The following QTRT1 variants were observed in gnomAD, a reference collection of about 807,000 sequenced individuals.
QTRT1 encodes the protein queuine tRNA-ribosyltransferase catalytic subunit 1, also known as TGT, 43-KD subunit.
Under a neutral mutation model 44.0 loss-of-function variants are expected in QTRT1, and 41 were observed. That is an observed-to-expected ratio of 0.93 (90% CI 0.73 to 1.21). The LOEUF is 1.21. Ranked by LOEUF, QTRT1 falls within the 50% of genes most tolerant of loss-of-function variation. QTRT1 has a pLI of 0.00. For missense variants in QTRT1, 542 were observed against 575.8 expected (o/e 0.94, Z 0.60); for synonymous variants, 226 against 237.1 (o/e 0.95, Z 0.43).
intron 5 of QTRT1, chr19:10,709,178 G>A (rs2068727719): frequency 6.6e-6 from 1 of 152,234 alleles, no homozygotes. Context: ...TTTGGCATAT[G>A]TAGCCTTGGA....
At chr19:10,708,201 G>T (rs113173743) in intron 5 of QTRT1, among the ~76,000 whole-genome samples, 26 of 152,020 alleles carry the variant, frequency 1.7e-4, no homozygotes, top group Non-Finnish European at 3.1e-4. Flanking sequence ...CTGACCTTGT[G>T]ATCTGCCTGC....
chr19:10,704,431 C>G (rs1239855431), intron 3 of QTRT1, among the ~76,000 whole-genome samples: 1 of 136,520 alleles, frequency 7.3e-6, no homozygotes, highest in Non-Finnish European at 1.6e-5. Context: ...GTAGCTGGGA[C>G]TACAGGCACC....
At position 10,701,963 on chromosome 19, in the gene QTRT1, T is replaced by C; in HGVS notation, c.257T>C (p.Ile86Thr). 6.2e-7 allele frequency: 1 copy of C among 1,614,120 alleles called. No homozygotes were observed. The highest frequency in any genetic ancestry group is 1.3e-5 in the African/African-American group (1 of 75,040). Residue 86 changes from isoleucine (I) to threonine (T), a missense_variant, in exon 2 of 10, where the codon ATC (isoleucine) becomes ACC (threonine). Physicochemically the swap from Ile to Thr is moderately conservative, Grantham distance 89 (BLOSUM62 -1). Transcript: ENST00000250237. ...HLGLRPGPEL[I>T]QKANGLHGFM... ...CCATCAACCCAGGGACCCGAGCTGA[T>C]CCAGAAAGCCAACGGTCTCCACGGC...
intron 3 of QTRT1, 91 bp from the exon 4 acceptor site, chr19:10,707,211 T>A: frequency 7.7e-7 from 1 of 1,302,806 alleles, no homozygotes; most frequent in Non-Finnish European, 1.1e-6. Context: ...GGGGATGCTC[T>A]TGGGGAAGTC....
chr19:10,709,491 A>C (rs1055709101), intron 5 of QTRT1: 2 of 152,204 alleles, frequency 1.3e-5, no homozygotes, highest in Non-Finnish European at 2.9e-5. Context: ...AGGCGGGCAG[A>C]TCACGTGGTC....
chr19:10,704,869 G>C (rs1041233634), intron 3 of QTRT1, among the ~76,000 whole-genome samples: 1 of 151,606 alleles, frequency 6.6e-6, no homozygotes, highest in East Asian at 1.9e-4. Flanking sequence ...TTACAGGTGT[G>C]AGCCACCATG....
intron 5 of QTRT1, among the ~76,000 whole-genome samples, chr19:10,708,010 C>T (rs1479634169): frequency 6.6e-6 from 1 of 150,726 alleles, no homozygotes; most frequent in African/African-American, 2.4e-5. Context: ...TGCTGTGGCG[C>T]GATCTCGGCT....
chr19:10,707,241 G>T (rs569265671), intron 3 of QTRT1, 61 bp from the exon 4 acceptor site: 2 of 1,553,510 alleles, frequency 1.3e-6, no homozygotes, highest in African/African-American at 1.4e-5. Flanking sequence ...CCCATGTGAC[G>T]GCAGGCTTTC....
chr19:10,713,104 T>G lies in QTRT1; in HGVS notation c.1060-14T>G. 1.2e-6 allele frequency: 2 copies of G among 1,608,314 alleles called. No homozygotes were observed. The highest frequency in any genetic ancestry group is 1.7e-6 in the Non-Finnish European group (2 of 1,179,316). ...TAGGTGCGTATGCCCCACGCTGACC[T>G]CCCCTCCCCGCAGCTGCAGCTCATG... On this transcript the variant is annotated splice_polypyrimidine_tract_variant and intron_variant, in intron 9 of 9. Transcript: ENST00000250237. This position sits in a 1 kb window ranked among gnomAD's most constrained non-coding sequence, Gnocchi z 4.3.
At chr19:10,708,632 C>A (rs1221805948) in intron 5 of QTRT1, among the ~76,000 whole-genome samples, 3 of 152,122 alleles carry the variant, frequency 2.0e-5, no homozygotes, top group African/African-American at 7.2e-5. Context: ...GCTCCCCTTC[C>A]CATGATCCGA....
chr19:10,711,085 C>T (rs1194563308), intron 5 of QTRT1: 1 of 152,232 alleles, frequency 6.6e-6, no homozygotes, highest in Non-Finnish European at 1.5e-5. Context: ...CTCTCACTCC[C>T]CTTTCCTCCA....
In QTRT1 at chr19:10,712,965, C is replaced by T. The variant is rs775102221; in HGVS notation, c.984C>T (p.Ala328=). 4 of 1,612,840 alleles carry T rather than the reference C, an allele frequency of 2.5e-6. No homozygotes were observed. Among genetic ancestry groups the T allele is most frequent in the African/African-American group, 1.3e-5 (1 of 74,924 alleles). The change falls in exon 9 of 10, where the codon GCC becomes GCT. Residue 328 remains alanine, a synonymous_variant. Coordinates refer to ENST00000250237, the MANE Select transcript of QTRT1 (RefSeq NM_031209.3). This position sits in a 1 kb window ranked among gnomAD's most constrained non-coding sequence, Gnocchi z 5.6. ...TGCCGCTCTACAGGCACAGCCGCGC[C>T]TTCCTGCACGCACTGCTGCACAGTG... ...TCPTCQKHSR[A]FLHALLHSDN...
chr19:10,705,842 T>C (rs1254927023), intron 3 of QTRT1, among the ~76,000 whole-genome samples: 1 of 99,566 alleles, frequency 1.0e-5, no homozygotes, highest in Non-Finnish European at 2.0e-5. Context: ...GGCCTGTTCT[T>C]TTTTTTTTTT....
At position 10,702,199 on chromosome 19, in the gene QTRT1, C is replaced by T. The variant is rs750154565; in HGVS notation, c.396C>T (p.Asp132=). 7.4e-6 allele frequency: 12 copies of T among 1,613,990 alleles called. No individual in the cohort carries two copies. The highest frequency in any genetic ancestry group is 1.0e-5 in the Non-Finnish European group (12 of 1,180,022). ...EEGVRFRSPY[D]GNETLLSPEK... is the part of the protein sequence containing the mutation. Reference sequence around the variant, plus strand: ...GCGTCCGCTTCCGCTCCCCCTACGACGGCAATGAGACCCTGCTGAGCCCGG... The same window carrying T: ...GCGTCCGCTTCCGCTCCCCCTACGATGGCAATGAGACCCTGCTGAGCCCGG... Residue 132 remains aspartate (D), a synonymous_variant, in exon 3 of 10, where the codon GAC becomes GAT. Transcript: ENST00000250237.
chr19:10,707,674 C>T (rs918433656), intron 5 of QTRT1, 59 bp downstream of exon 5: 58 of 1,285,356 alleles, frequency 4.5e-5, no homozygotes, highest in Non-Finnish European at 6.1e-5. Context: ...CCACATGGGC[C>T]TGGCGTATGG....
chr19:10,709,903 C>T (rs1283352651), intron 5 of QTRT1, among the ~76,000 whole-genome samples: 5 of 151,332 alleles, frequency 3.3e-5, no homozygotes, highest in South Asian at 2.1e-4. Context: ...CTTAGCTACT[C>T]GGGAGGCTGA....
intron 5 of QTRT1, among the ~76,000 whole-genome samples, chr19:10,710,757 A>T (rs944250129): frequency 6.6e-6 from 1 of 151,880 alleles, no homozygotes; most frequent in Admixed American, 6.6e-5. Context: ...CCCTGTCTCT[A>T]TTAAAAATAC....
At position 10,702,248 on chromosome 19, in the gene QTRT1, G is replaced by T; in HGVS notation, c.445G>T (p.Ala149Ser). Residue 149 changes from alanine (A) to serine (S), a missense_variant, in exon 3 of 10, where the codon GCG (alanine) becomes TCG (serine). Coordinates refer to ENST00000250237, the MANE Select transcript of QTRT1 (RefSeq NM_031209.3). ...GGAGAAATCCGTGCAGATCCAGAAT[G>T]CGCTGGGTGAGAGGACCCTGGGGAG... is the stretch of plus-strand genomic sequence containing the variant. ...SPEKSVQIQNALGSDIIMQLD... is the reference protein window; with the variant it reads ...SPEKSVQIQNSLGSDIIMQLD... 6.2e-7 allele frequency: 1 copy of T among 1,613,922 alleles called. No individual in the cohort carries two copies. Among genetic ancestry groups the T allele is most frequent in the South Asian group, 1.1e-5 (1 of 91,080 alleles).
rs572911879 is a variant in QTRT1 at position 10,702,399 on chromosome 19, T to G, written c.451+145T>G. ...TGAACCAACTCAAAGCGGGGGTAAA[T>G]AGTAGCAGGTCTTTGGTAGAATTGT... On this transcript the variant is annotated intron_variant, in intron 3 of 9. Coordinates refer to ENST00000250237, the MANE Select transcript of QTRT1 (RefSeq NM_031209.3). 46 of 823,052 alleles carry G rather than the reference T, an allele frequency of 5.6e-5. No homozygotes were observed. The South Asian group carries it at 8.3e-4, about 15-fold the overall frequency. 51.0% of individuals were successfully genotyped at this position (823,052 alleles called of 1,614,324 possible).
Sources: allele counts gnomAD v4.1 joint callset (sites outside exome capture counted in the v4.1 genomes callset), GRCh38; gene constraint gnomAD v4.1.1; non-coding constraint Gnocchi (gnomAD v3.1); transcripts MANE v1.5; gene names NCBI Gene and HGNC (gene_info 2026-07-23, HGNC 2026-07-21).